Variants in NDUFA10 observed in about 807,000 individuals in gnomAD.
NDUFA10 encodes NADH:ubiquinone oxidoreductase subunit A10.
NDUFA10 carries 40 observed loss-of-function variants against 47.8 expected under a neutral mutation model. That is an observed-to-expected ratio of 0.84 (90% CI 0.65 to 1.09). The LOEUF (loss-of-function observed/expected upper bound fraction) is 1.09, where lower values mean the gene tolerates loss of function less well. Among genes scored for constraint, NDUFA10 ranks in the 50% least tolerant of loss-of-function variants. The pLI is 0.00. For synonymous variants in NDUFA10, 183 were observed against 172.2 expected, an observed-to-expected ratio of 1.06 and a Z score of -0.49; for missense variants, 413 against 451.1, an observed-to-expected ratio of 0.92 and a Z score of 0.76.
intron 8 of NDUFA10, among the ~76,000 whole-genome samples, chr2:239,991,894 A>G (rs759594787): frequency 2.6e-5 from 4 of 152,236 alleles, no homozygotes; most frequent in African/African-American, 4.8e-5. Flanking sequence ...AGAGAGCAAC[A>G]GCGCCATCTA....
chr2:239,992,476 A>C (rs113789900), intron 8 of NDUFA10, among the ~76,000 whole-genome samples: 13 of 152,334 alleles, frequency 8.5e-5, no homozygotes, highest in African/African-American at 2.9e-4. Context: ...CCTGAATTGC[A>C]AAGTTCTATC....
intron 4 of NDUFA10, 125 bp downstream of exon 4, chr2:240,018,428 A>C: frequency 6.3e-7 from 1 of 1,579,424 alleles, no homozygotes; most frequent in Non-Finnish European, 8.6e-7. Context: ...GAGACCGATT[A>C]AGTAATGGCA....
At chr2:239,937,587 A>G (rs377090506) in intron 4 of NDUFA10, among the ~76,000 whole-genome samples, 5 of 152,348 alleles carry the variant, frequency 3.3e-5, no homozygotes, top group South Asian at 4.1e-4. Flanking sequence ...TCATCCAGTC[A>G]TCAGCTGACG....
At chr2:239,989,059 G>A (rs1696139688) in intron 9 of NDUFA10, among the ~76,000 whole-genome samples, 1 of 148,190 alleles carries the variant, frequency 6.7e-6, no homozygotes, top group Non-Finnish European at 1.5e-5. Context: ...AAGTATACAA[G>A]GACAAAGGGA....
At chr2:239,933,503 G>T (rs369733084) in intron 4 of NDUFA10, among the ~76,000 whole-genome samples, 164 of 129,876 alleles carry the variant, frequency 1.3e-3, no homozygotes, top group African/African-American at 4.6e-3. Context: ...AGCCTCCATG[G>T]TTTTTTTTTT....
chr2:240,009,787 G>A (rs1455403941), intron 6 of NDUFA10, among the ~76,000 whole-genome samples: 1 of 152,112 alleles, frequency 6.6e-6, no homozygotes, highest in East Asian at 1.9e-4. Flanking sequence ...TGATTTTACT[G>A]TTTATTAATT....
intron 4 of NDUFA10, among the ~76,000 whole-genome samples, chr2:239,934,454 G>A (rs932711260): frequency 2.0e-5 from 3 of 148,830 alleles, no homozygotes; most frequent in Non-Finnish European, 4.4e-5. Context: ...CGGGGTCCTT[G>A]ACGTCTGGCT....
chr2:240,014,831 C>A lies in NDUFA10; in HGVS notation c.577G>T (p.Val193Phe). Residue 193 changes from valine to phenylalanine, a missense_variant, in exon 5 of 10, where the codon GTC (valine) becomes TTC (phenylalanine). Val to Phe is a conservative substitution (Grantham distance 50). Transcript: ENST00000252711. ...CVDHYNEVKSVTICDYLPPHL... is the reference protein window; with the variant it reads ...CVDHYNEVKSFTICDYLPPHL... ...GGGGGCAGGTAATCGCAGATGGTGA[C>A]GCTCTTCACCTCGTTGTAGTGGTCC... The A allele has an allele frequency of 6.2e-7, 1 of 1,614,080 alleles. No individual in the cohort carries two copies. The highest frequency in any genetic ancestry group is 8.5e-7 in the Non-Finnish European group (1 of 1,179,944).
At chr2:239,934,293 T>C (rs935931762) in intron 4 of NDUFA10, among the ~76,000 whole-genome samples, 4 of 152,182 alleles carry the variant, frequency 2.6e-5, no homozygotes, top group Non-Finnish European at 4.4e-5. Flanking sequence ...GCAGAGTCAC[T>C]GCCATGTTGG....
At position 239,906,942 on chromosome 2, in the gene NDUFA10, C is replaced by T. The variant is rs1160317680; in HGVS notation, c.295-11628G>A. On this transcript the variant is annotated intron_variant, in intron 4 of 5. Coordinates refer to the NDUFA10 transcript ENST00000419408. The surrounding 1 kb of genome is among the most constrained non-coding windows in gnomAD (Gnocchi z 4.3). ...TCTTATGGAACCAAAAAAGAGCCCA[C>T]ATTGCCAAGTCAATCCTAAGCCAAA... 6.6e-6 allele frequency among the ~76,000 whole-genome samples: 1 copy of T among 152,206 alleles called. No individual in the cohort carries two copies.
intron 8 of NDUFA10, among the ~76,000 whole-genome samples, chr2:240,004,049 A>G (rs114892170): frequency 0.088 from 13,366 of 152,234 alleles, 689 homozygotes; most frequent in Admixed American, 0.14. Flanking sequence ...GCCCGGGGTC[A>G]CTGTGCCTGC....
intron 8 of NDUFA10, among the ~76,000 whole-genome samples, chr2:239,995,847 T>C (rs1021812291): frequency 1.3e-5 from 2 of 152,172 alleles, no homozygotes; most frequent in Non-Finnish European, 2.9e-5. Context: ...AAGAGGGGCA[T>C]TACATAACGA....
At chr2:239,971,838 C>G (rs1048767449) in intron 9 of NDUFA10, among the ~76,000 whole-genome samples, 1 of 152,178 alleles carries the variant, frequency 6.6e-6, no homozygotes, top group African/African-American at 2.4e-5. Flanking sequence ...CAATCACATA[C>G]TACTTATACG....
chr2:239,973,099 G>A (rs562297855), intron 9 of NDUFA10, among the ~76,000 whole-genome samples: 4 of 152,250 alleles, frequency 2.6e-5, no homozygotes, highest in South Asian at 2.1e-4. Context: ...TAAATAACTC[G>A]GGCATACAGA....
At chr2:239,932,629 G>C (rs1289774725) in intron 4 of NDUFA10, among the ~76,000 whole-genome samples, 1 of 152,024 alleles carries the variant, frequency 6.6e-6, no homozygotes, top group Non-Finnish European at 1.5e-5. Flanking sequence ...GCCCAGGCTG[G>C]AGTGCAGTGG....
intron 4 of NDUFA10, among the ~76,000 whole-genome samples, chr2:239,920,775 A>G (rs1057096234): frequency 5.3e-5 from 8 of 152,190 alleles, no homozygotes; most frequent in Non-Finnish European, 1.0e-4. Flanking sequence ...CTGCAGAATC[A>G]GCCCCAGCCA....
At position 239,959,945 on chromosome 2, in the gene NDUFA10, G is replaced by A. The variant is rs1386867737; in HGVS notation, c.*1173C>T. On this transcript the variant is annotated 3_prime_UTR_variant, in exon 10 of 10. Transcript: ENST00000252711. ...CGAGGCCTGGTAGAGCTTCCGCGGG[G>A]AGCAGAGCATCGTCCTCTGCACCAG... 2.0e-6 allele frequency: 2 copies of A among 985,404 alleles called. No homozygotes were observed. The highest frequency in any genetic ancestry group is 2.4e-6 in the Non-Finnish European group (2 of 829,962). The allele number at this position is 985,404 out of a possible 1,614,324, so 61.0% of individuals were successfully genotyped here. A position where few individuals can be genotyped will look rare whatever the true frequency, so the allele number is the denominator to read the frequency against.
chr2:239,993,007 T>C (rs1449655120), intron 8 of NDUFA10, among the ~76,000 whole-genome samples: 1 of 152,200 alleles, frequency 6.6e-6, no homozygotes, highest in Non-Finnish European at 1.5e-5. Flanking sequence ...ACAATTGATA[T>C]TGTAAACTTA....
intron 4 of NDUFA10, among the ~76,000 whole-genome samples, chr2:239,908,074 AGGATGAGTTCATGTCCTTTGTAG>A (rs1193509906): frequency 2.6e-5 from 4 of 152,246 alleles, no homozygotes; most frequent in Non-Finnish European, 5.9e-5. Context: ...GCCACAAAAA[AGGATGAGTTCATGTCCTTTGTAG>A]GGACATGGAT....
Sources: gnomAD v4.1 joint callset for allele counts (sites outside exome capture counted in the v4.1 genomes callset) on GRCh38, gnomAD v4.1.1 for gene constraint, Gnocchi (gnomAD v3.1) non-coding constraint, MANE v1.5 for transcripts, NCBI Gene and HGNC (gene_info 2026-07-23, HGNC 2026-07-21) for gene names.